KIF14: variants seen among roughly 807,000 people sequenced by gnomAD.
KIF14 encodes the protein kinesin family member 14.
A neutral mutation model predicts 176.2 loss-of-function variants in KIF14; 98 were observed. That is an observed-to-expected ratio of 0.56 (90% CI 0.47 to 0.66). The LOEUF (loss-of-function observed/expected upper bound fraction) is 0.66, where lower values mean the gene tolerates loss of function less well. Ranked by LOEUF, KIF14 falls within the 30% of genes least tolerant of loss-of-function variation. The pLI, the probability that KIF14 is intolerant of heterozygous loss-of-function variation, is 0.00. For missense variants in KIF14, 1,751 were observed against 1,920.4 expected (o/e 0.91, Z 1.65); for synonymous variants, 566 against 632.2 (o/e 0.90, Z 1.57).
rs771574207 is a variant in KIF14, at chr1:200,590,114, C to T, written c.2961+11G>A. 38 of 1,590,092 alleles carry T rather than the reference C, an allele frequency of 2.4e-5. No individual in the cohort carries two copies. The highest frequency in any genetic ancestry group is 3.2e-5 in the Non-Finnish European group (38 of 1,173,786). Reference sequence around the variant, plus strand: ...TCGGAAAAAAAAAATAAAACTAATTCTGCCTTTTACCAGTTCTGCTTCCAG... The same window carrying T: ...TCGGAAAAAAAAAATAAAACTAATTTTGCCTTTTACCAGTTCTGCTTCCAG... On this transcript the variant is annotated intron_variant, in intron 17 of 29. Transcript: ENST00000367350.
intron 23 of KIF14, among the ~76,000 whole-genome samples, chr1:200,568,015 G>A (rs2102602118): frequency 6.6e-6 from 1 of 152,196 alleles, no homozygotes; most frequent in East Asian, 1.9e-4. Flanking sequence ...AAACATTTTA[G>A]AAAGACCTGC....
chr1:200,599,648 A>G (rs544731516), intron 13 of KIF14, among the ~76,000 whole-genome samples: 2 of 152,332 alleles, frequency 1.3e-5, no homozygotes, highest in Admixed American at 1.3e-4. Context: ...TTATGGCTCA[A>G]TCTACTGAAA....
At position 200,618,026 on chromosome 1, in the gene KIF14, C is replaced by G. The variant is rs1404609834; in HGVS notation, c.698G>C (p.Gly233Ala). 1 of 1,614,066 alleles carries G rather than the reference C, an allele frequency of 6.2e-7. No individual in the cohort carries two copies. The highest frequency in any genetic ancestry group is 2.2e-5 in the East Asian group (1 of 44,888). Residue 233 changes from glycine to alanine, a missense_variant, in exon 2 of 30, where the codon GGA becomes GCA. Coordinates refer to ENST00000367350, the MANE Select transcript of KIF14 (RefSeq NM_014875.3). ...CTGAGTAGGTTTCGTTGTCAAGTGT[C>G]CTGATCTAACAACTTCAGTCTGACT... ...SLSQTEVVRS[G>A]HLTTKPTQSK...
At chr1:200,589,100 C>T in intron 18 of KIF14, 117 bp downstream of exon 18, 1 of 734,972 alleles carries the variant, frequency 1.4e-6, no homozygotes, top group Non-Finnish European at 2.2e-6. Flanking sequence ...TTCTCATCTA[C>T]ACATCTACAA....
intron 21 of KIF14, among the ~76,000 whole-genome samples, chr1:200,579,825 T>C (rs1658346543): frequency 6.6e-6 from 1 of 152,048 alleles, no homozygotes; most frequent in African/African-American, 2.4e-5. Flanking sequence ...CAGCAGGCAG[T>C]TGGAAGCACT....
At chr1:200,570,668 C>T (rs993135112) in intron 22 of KIF14, among the ~76,000 whole-genome samples, 11 of 152,154 alleles carry the variant, frequency 7.2e-5, no homozygotes, top group Non-Finnish European at 1.3e-4. Flanking sequence ...GTCAATAAAG[C>T]TTAGATTTTA....
rs1317412725 is a variant in KIF14 at position 200,579,822 on chromosome 1, C to T, written c.3465+432G>A. Among the ~76,000 whole-genome samples, 5 of 151,846 alleles carry T rather than the reference C, an allele frequency of 3.3e-5. 1 individual carries two copies. The highest frequency in any genetic ancestry group is 2.0e-4 in the Admixed American group (3 of 15,244). The stretch of plus-strand genomic sequence containing the variant: ...AGTTGTGACTATAACAGGCAGCAGG[C>T]AGTTGGAAGCACTCAAAGCACAGCA... On this transcript the variant is annotated intron_variant, in intron 21 of 29. Transcript: ENST00000367350.
chr1:200,619,167 T>C (rs1368357599), intron 1 of KIF14, among the ~76,000 whole-genome samples: 1 of 152,200 alleles, frequency 6.6e-6, no homozygotes, highest in Non-Finnish European at 1.5e-5. Flanking sequence ...GTCAAGTGAC[T>C]TAGAAGATGT....
chr1:200,588,558 C>T (rs1658881451), intron 18 of KIF14, among the ~76,000 whole-genome samples: 1 of 152,126 alleles, frequency 6.6e-6, no homozygotes, highest in Non-Finnish European at 1.5e-5. Context: ...GCATTTCTAA[C>T]ATGTTCCCAA....
chr1:200,579,130 C>A (rs926823035), intron 21 of KIF14, among the ~76,000 whole-genome samples: 2 of 151,920 alleles, frequency 1.3e-5, no homozygotes, highest in South Asian at 4.2e-4. Context: ...TGAACACATA[C>A]TTTACCCATA....
chr1:200,603,860 G>C lies in KIF14; in HGVS notation c.1842C>G (p.His614Gln). 1.2e-6 allele frequency: 2 copies of C among 1,605,990 alleles called. No homozygotes were observed. The highest frequency in any genetic ancestry group is 1.7e-6 in the Non-Finnish European group (2 of 1,172,574). The change falls in exon 9 of 30, where the codon CAC (histidine) becomes CAG (glutamine). Residue 614 changes from histidine to glutamine, a missense_variant. Transcript: ENST00000367350. ...LAGSERCSTAHTNGDRLKEGV... is the reference protein window; with the variant it reads ...LAGSERCSTAQTNGDRLKEGV... Reference sequence around the variant, plus strand: ...TTACCTTTAGTCGATCTCCATTAGTGTGAGCCGTAGAGCAGCGCTCACTGC... The same window carrying C: ...TTACCTTTAGTCGATCTCCATTAGTCTGAGCCGTAGAGCAGCGCTCACTGC...
chr1:200,604,970 G>A (rs1348097738), intron 8 of KIF14, among the ~76,000 whole-genome samples: 1 of 151,978 alleles, frequency 6.6e-6, no homozygotes, highest in African/African-American at 2.4e-5. Flanking sequence ...TAAAAATCTG[G>A]TAAACGGTAT....
At chr1:200,555,575 A>G (rs1656790990) in intron 27 of KIF14, 121 bp from the exon 28 acceptor site, 2 of 460,812 alleles carry the variant, frequency 4.3e-6, no homozygotes. Context: ...TTGGAGCTCT[A>G]TTTCTGGGAT....
intron 28 of KIF14, 128 bp downstream of exon 28, chr1:200,555,252 A>G: frequency 6.6e-6 from 4 of 604,040 alleles, no homozygotes; most frequent in South Asian, 4.2e-5. Context: ...CTTACATGCT[A>G]CAATTAGACA....
Position 200,575,522 on chromosome 1 carries a change from TACAC to T in KIF14, c.3566+65_3566+68del, listed in dbSNP as rs35571944. On this transcript the variant is annotated intron_variant, in intron 22 of 29. Coordinates refer to ENST00000367350, the MANE Select transcript of KIF14 (RefSeq NM_014875.3). The stretch of plus-strand genomic sequence containing the variant: ...GAAATAATATATATGATATACAATT[TACAC>T]ACACACACACACACACACATGCACA... The T allele has an allele frequency of 0.15, 94,439 of 619,160 alleles. 7,389 individuals carry two copies. Among genetic ancestry groups the T allele is most frequent in the African/African-American group, 0.32 (16,972 of 53,518 alleles). The allele number at this position is 619,160 out of a possible 1,614,324, so 38.4% of individuals were successfully genotyped here.
chr1:200,585,980 C>G (rs1658715512), intron 19 of KIF14, 121 bp downstream of exon 19: 1 of 642,526 alleles, frequency 1.6e-6, no homozygotes, highest in South Asian at 4.6e-5. Context: ...CCAGAAAAGT[C>G]AACAACTAGA....
chr1:200,593,152 T>G lies in KIF14; in HGVS notation c.2652+515A>C, dbSNP rs192590906. Among the ~76,000 whole-genome samples the G allele has an allele frequency of 6.6e-4, 100 of 152,330 alleles. 1 individual carries two copies. The highest frequency in any genetic ancestry group is 2.3e-3 in the South Asian group (11 of 4,828). On this transcript the variant is annotated intron_variant, in intron 15 of 29. Transcript: ENST00000367350. ...AGACATTCATTGAGAGCTTACTATT[T>G]GCAGATACTATTCTAAGAACTATAT...
chr1:200,588,092 A>T (rs1483869165), intron 18 of KIF14, among the ~76,000 whole-genome samples: 1 of 152,138 alleles, frequency 6.6e-6, no homozygotes, highest in Non-Finnish European at 1.5e-5. Flanking sequence ...TAAGATTAAG[A>T]TATAAGGAAT....
At chr1:200,553,830 CT>C (rs1656689292) in intron 29 of KIF14, 63 bp from the exon 30 acceptor site, 1 of 1,431,144 alleles carries the variant, frequency 7.0e-7, no homozygotes, top group Non-Finnish European at 9.5e-7. Context: ...GTATTTATGA[CT>C]TTTATAGACT....
Sources: allele counts gnomAD v4.1 joint callset (sites outside exome capture counted in the v4.1 genomes callset), GRCh38; gene constraint gnomAD v4.1.1; transcripts MANE v1.5; gene names NCBI Gene and HGNC (gene_info 2026-07-23, HGNC 2026-07-21).